Variants in OTOGL observed in about 807,000 individuals in gnomAD.
OTOGL encodes otogelin-like protein.
OTOGL carries 285 observed loss-of-function variants against 318.5 expected under a neutral mutation model. The ratio of observed to expected loss-of-function variants is 0.89; its 90% CI spans 0.81 to 0.99. The LOEUF is 0.99. Among genes scored for constraint, OTOGL ranks in the 50% least tolerant of loss-of-function variants. The probability of loss-of-function intolerance (pLI) is 0.00; values close to 1 mark genes in which losing one functional copy is unlikely to be tolerated. For missense variants in OTOGL, 2,899 were observed against 2,845.6 expected (o/e 1.02, Z -0.43); for synonymous variants, 987 against 936.5 (o/e 1.05, Z -0.99).
intron 22 of OTOGL, among the ~76,000 whole-genome samples, chr12:80,268,210 T>A (rs1025752829): frequency 6.6e-6 from 1 of 152,184 alleles, no homozygotes; most frequent in Non-Finnish European, 1.5e-5. Context: ...TAATAGACAG[T>A]AGATAATAAC....
intron 1 of OTOGL, among the ~76,000 whole-genome samples, chr12:80,190,825 C>G (rs1289286203): frequency 2.8e-5 from 4 of 144,564 alleles, no homozygotes; most frequent in Non-Finnish European, 4.5e-5. Context: ...AAGAGTGAAT[C>G]CAAGTTTTGT....
chr12:80,145,440 A>T (rs1220118726), intron 1 of OTOGL, among the ~76,000 whole-genome samples: 4 of 152,074 alleles, frequency 2.6e-5, no homozygotes, highest in South Asian at 2.1e-4. Flanking sequence ...TACCAGTACC[A>T]TGCTGTTTTG....
chr12:80,231,729 G>A (rs1879376543), intron 8 of OTOGL, among the ~76,000 whole-genome samples: 1 of 151,922 alleles, frequency 6.6e-6, no homozygotes, highest in African/African-American at 2.4e-5. Flanking sequence ...CTGCCTCCCA[G>A]GTTCAAGCGA....
intron 49 of OTOGL, 86 bp downstream of exon 49, chr12:80,357,000 A>G (rs1477836028): frequency 5.8e-6 from 4 of 693,614 alleles, no homozygotes; most frequent in Non-Finnish European, 9.0e-6. Context: ...TATGAGACTG[A>G]TGGCAAGCAA....
At chr12:80,186,235 C>T (rs1240813340) in intron 1 of OTOGL, among the ~76,000 whole-genome samples, 1 of 152,170 alleles carries the variant, frequency 6.6e-6, no homozygotes, top group African/African-American at 2.4e-5. Context: ...AAAGGCTCTA[C>T]CATATGCCCA....
chr12:80,261,764 T>C (rs1365534257), intron 18 of OTOGL, among the ~76,000 whole-genome samples: 1 of 152,212 alleles, frequency 6.6e-6, no homozygotes, highest in Non-Finnish European at 1.5e-5. Flanking sequence ...AATAAAATCA[T>C]GTATGTCTAC....
chr12:80,260,071 C>T (rs1009239891), intron 18 of OTOGL, among the ~76,000 whole-genome samples: 8 of 151,924 alleles, frequency 5.3e-5, no homozygotes, highest in African/African-American at 1.7e-4. Context: ...TGTCCTTGGT[C>T]TTTGTATTCT....
At chr12:80,291,193 A>G (rs1885019492) in intron 26 of OTOGL, among the ~76,000 whole-genome samples, 1 of 152,186 alleles carries the variant, frequency 6.6e-6, no homozygotes, top group South Asian at 2.1e-4. Context: ...TAAATAATGG[A>G]CAAGGCCAGA....
intron 29 of OTOGL, among the ~76,000 whole-genome samples, chr12:80,307,813 G>A (rs1449695517): frequency 7.2e-6 from 1 of 139,814 alleles, no homozygotes; most frequent in Non-Finnish European, 1.5e-5. Context: ...CAGTAGGGGC[G>A]GCCGGGCAGA....
chr12:80,284,469 G>T (rs1403986539), intron 26 of OTOGL, among the ~76,000 whole-genome samples: 1 of 152,126 alleles, frequency 6.6e-6, no homozygotes, highest in Non-Finnish European at 1.5e-5. Context: ...CTTCCACAAT[G>T]GTTGAACTAA....
chr12:80,274,445 G>A (rs369705138), intron 24 of OTOGL, among the ~76,000 whole-genome samples: 2 of 152,006 alleles, frequency 1.3e-5, no homozygotes, highest in Non-Finnish European at 2.9e-5. Context: ...TGAGGGAGGT[G>A]ACAAAGCTGC....
intron 38 of OTOGL, among the ~76,000 whole-genome samples, chr12:80,333,929 A>G (rs1349435): frequency 0.34 from 51,068 of 152,066 alleles, 8,724 homozygotes; most frequent in Middle Eastern, 0.47. Flanking sequence ...TAAGTAATAA[A>G]GGAATAAAAT....
chr12:80,238,758 A>G, intron 9 of OTOGL, 93 bp from the exon 10 acceptor site: 1 of 1,267,744 alleles, frequency 7.9e-7, no homozygotes, highest in East Asian at 3.1e-5. Flanking sequence ...TGTTTTGACC[A>G]GGAAGTTTGT....
intron 26 of OTOGL, among the ~76,000 whole-genome samples, chr12:80,286,895 T>C (rs977893853): frequency 2.0e-5 from 3 of 152,192 alleles, no homozygotes; most frequent in Non-Finnish European, 4.4e-5. Context: ...TGAGTTCTGC[T>C]CTGTTCTTAG....
chr12:80,333,186 A>G (rs1477101670), intron 38 of OTOGL, 108 bp downstream of exon 38: 1 of 860,884 alleles, frequency 1.2e-6, no homozygotes, highest in African/African-American at 1.7e-5. Flanking sequence ...TATGTTCTCT[A>G]GTCTAGCCTT....
At chr12:80,188,966 C>A (rs375530195) in intron 1 of OTOGL, among the ~76,000 whole-genome samples, 2 of 152,302 alleles carry the variant, frequency 1.3e-5, no homozygotes, top group African/African-American at 4.8e-5. Context: ...TCTCTGTCCT[C>A]CCTTTGGTTT....
intron 1 of OTOGL, among the ~76,000 whole-genome samples, chr12:80,150,860 T>C (rs761123997): frequency 6.6e-6 from 1 of 152,242 alleles, no homozygotes; most frequent in Non-Finnish European, 1.5e-5. Flanking sequence ...AGATGCTTTT[T>C]ATTTACTTTT....
chr12:80,132,164 C>T (rs1871278686), intron 1 of OTOGL: 1 of 152,180 alleles, frequency 6.6e-6, no homozygotes, highest in Non-Finnish European at 1.5e-5. Flanking sequence ...GACCTACCTC[C>T]CTTCTCACTG....
intron 52 of OTOGL, chr12:80,366,265 T>C (rs1234756102): frequency 4.5e-6 from 2 of 444,208 alleles, no homozygotes; most frequent in Admixed American, 4.8e-5. Flanking sequence ...GTGTATACTA[T>C]AGCAGCCTTG....
Sources: gnomAD v4.1 joint callset for allele counts (sites outside exome capture counted in the v4.1 genomes callset) on GRCh38, gnomAD v4.1.1 for gene constraint, MANE v1.5 for transcripts, NCBI Gene and HGNC (gene_info 2026-07-23, HGNC 2026-07-21) for gene names.